NF2: variants seen among roughly 807,000 people sequenced by gnomAD.
The protein encoded by NF2 is NF2, moesin-ezrin-radixin like (MERLIN) tumor suppressor, also known as merlin.
In NF2, 8 loss-of-function variants were observed where a neutral mutation model predicts 83.7. That is an observed-to-expected ratio of 0.10 (90% CI 0.06 to 0.17). The LOEUF is 0.17. Ranked by LOEUF, NF2 falls within the 10% of genes least tolerant of loss-of-function variation. The pLI, the probability that NF2 is intolerant of heterozygous loss-of-function variation, is 1.00. For missense variants in NF2, 533 were observed against 744.4 expected (o/e 0.72, Z 3.31); for synonymous variants, 266 against 269.6 (o/e 0.99, Z 0.13).
chr22:29,644,263 C>CTGCAATCTCGGCACTTTG (rs1481358539), intron 4 of NF2, among the ~76,000 whole-genome samples: 7 of 146,272 alleles, frequency 4.8e-5, no homozygotes, highest in East Asian at 4.1e-4. Flanking sequence ...CGGGCAGAGG[C>CTGCAATCTCGGCACTTTG]GCTCCTCACA....
chr22:29,640,289 G>A (rs938804845), intron 3 of NF2, among the ~76,000 whole-genome samples: 3 of 151,032 alleles, frequency 2.0e-5, no homozygotes, highest in African/African-American at 4.9e-5. Flanking sequence ...CGTGCTTCAT[G>A]CTATGCTGTG....
intron 7 of NF2, among the ~76,000 whole-genome samples, chr22:29,659,298 A>G (rs754550727): frequency 4.6e-5 from 7 of 152,206 alleles, no homozygotes; most frequent in Non-Finnish European, 8.8e-5. Context: ...CCTAGATTCT[A>G]GAAAACTAAA....
intron 1 of NF2, among the ~76,000 whole-genome samples, chr22:29,631,325 T>C (rs2065505598): frequency 6.6e-6 from 1 of 152,154 alleles, no homozygotes; most frequent in Non-Finnish European, 1.5e-5. Context: ...GCTTTCAAGA[T>C]ACAGCTCAAA....
intron 4 of NF2, 138 bp from the exon 5 acceptor site, chr22:29,654,519 C>A: frequency 1.3e-6 from 1 of 755,558 alleles, no homozygotes; most frequent in Non-Finnish European, 2.4e-6. Flanking sequence ...AACAAACTAG[C>A]AAGGTTGAAA....
At chr22:29,605,200 G>C (rs1379137082) in intron 1 of NF2, among the ~76,000 whole-genome samples, 1 of 142,794 alleles carries the variant, frequency 7.0e-6, no homozygotes, top group Non-Finnish European at 1.5e-5. Flanking sequence ...CTGTCACCCA[G>C]AGTGCACCGG....
At chr22:29,612,076 C>T (rs955095248) in intron 1 of NF2, among the ~76,000 whole-genome samples, 6 of 152,146 alleles carry the variant, frequency 3.9e-5, no homozygotes, top group East Asian at 1.9e-4. Flanking sequence ...GGCGCGATCT[C>T]GGCTCACTGC....
chr22:29,678,432 A>T, intron 14 of NF2, 109 bp downstream of exon 14: 1 of 1,331,742 alleles, frequency 7.5e-7, no homozygotes, highest in South Asian at 1.2e-5. Context: ...GCCTGTCATT[A>T]CTCCTGCAAA....
At chr22:29,653,911 T>C (rs996309409) in intron 4 of NF2, among the ~76,000 whole-genome samples, 1 of 152,250 alleles carries the variant, frequency 6.6e-6, no homozygotes, top group East Asian at 1.9e-4. Flanking sequence ...TTCTACTGTA[T>C]GTTTCAGTTA....
chr22:29,606,863 T>C (rs2064811906), intron 1 of NF2, among the ~76,000 whole-genome samples: 1 of 152,158 alleles, frequency 6.6e-6, no homozygotes, highest in Non-Finnish European at 1.5e-5. Context: ...TTGACCAATA[T>C]GGTGAACCCC....
chr22:29,632,408 C>T (rs1206958701), intron 1 of NF2, among the ~76,000 whole-genome samples: 5 of 152,150 alleles, frequency 3.3e-5, no homozygotes, highest in African/African-American at 1.2e-4. Flanking sequence ...CCTACCTGCC[C>T]AGGATAGGAG....
chr22:29,634,132 C>T (rs1273005996), intron 1 of NF2, among the ~76,000 whole-genome samples: 1 of 152,126 alleles, frequency 6.6e-6, no homozygotes, highest in Non-Finnish European at 1.5e-5. Flanking sequence ...TGAAAAAGGC[C>T]AGTGTATGCT....
intron 6 of NF2, among the ~76,000 whole-genome samples, chr22:29,656,340 CA>C (rs1407801226): frequency 6.7e-6 from 1 of 149,950 alleles, no homozygotes; most frequent in East Asian, 2.0e-4. Flanking sequence ...TTCACTTTTA[CA>C]AAAATTTCTG....
At chr22:29,656,693 T>C (rs1224674207) in intron 6 of NF2, among the ~76,000 whole-genome samples, 1 of 152,178 alleles carries the variant, frequency 6.6e-6, no homozygotes. Flanking sequence ...ATTACAGGCA[T>C]GAGCCACCGC....
At chr22:29,649,154 A>G (rs2066069480) in intron 4 of NF2, among the ~76,000 whole-genome samples, 1 of 152,142 alleles carries the variant, frequency 6.6e-6, no homozygotes, top group African/African-American at 2.4e-5. Context: ...GCAAAAAAAA[A>G]AGCCAGACAC....
intron 1 of NF2, chr22:29,609,187 C>T: frequency 8.1e-6 from 6 of 742,210 alleles, no homozygotes; most frequent in Non-Finnish European, 1.3e-5. Context: ...AACCAGGAAC[C>T]TCAGTTCAGT....
In NF2 at chr22:29,636,870, C is replaced by T; in HGVS notation, c.234C>T (p.Asp78=). Reference sequence around the variant, plus strand: ...ACACAGTGGCCTGGCTCAAAATGGACAAGAAGGTTGGGCTAGAACTCGATG... The same window carrying T: ...ACACAGTGGCCTGGCTCAAAATGGATAAGAAGGTTGGGCTAGAACTCGATG... The part of the protein sequence containing the change: ...IKDTVAWLKM[D]KKVLDHDVSK... Residue 78 remains aspartate, a synonymous_variant, in exon 2 of 16, where the codon GAC becomes GAT. Transcript: ENST00000338641. The surrounding 1 kb of genome is among the most constrained non-coding windows in gnomAD (Gnocchi z 4.4). 1 of 1,614,050 alleles carries T rather than the reference C, an allele frequency of 6.2e-7. No individual in the cohort carries two copies. The highest frequency in any genetic ancestry group is 8.5e-7 in the Non-Finnish European group (1 of 1,180,026).
rs563344398 is a variant in NF2 at position 29,636,962 on chromosome 22, C to T, written c.240+86C>T. ...GCAGGCGCCTAGCTCATCACTGGGG[C>T]GCTGTAGCTGTATAGTAGAGAAGGG... On this transcript the variant is annotated intron_variant, in intron 2 of 15. Coordinates refer to ENST00000338641, the MANE Select transcript of NF2 (RefSeq NM_000268.4). This position sits in a 1 kb window ranked among gnomAD's most constrained non-coding sequence, Gnocchi z 4.4. The T allele has an allele frequency of 7.1e-5, 112 of 1,585,044 alleles. 1 individual carries two copies. Among genetic ancestry groups the T allele is most frequent in the South Asian group, 2.3e-4 (21 of 90,282 alleles).
chr22:29,608,779 A>G (rs2064871687), intron 1 of NF2: 1 of 222,990 alleles, frequency 4.5e-6, no homozygotes, highest in Non-Finnish European at 8.7e-6. Context: ...TCCTAGAAAG[A>G]TATAAACCAC....
At chr22:29,631,168 T>C (rs1185484580) in intron 1 of NF2, among the ~76,000 whole-genome samples, 1 of 152,172 alleles carries the variant, frequency 6.6e-6, no homozygotes, top group Non-Finnish European at 1.5e-5. Flanking sequence ...ATAGGATAAT[T>C]ATGCTGTTTG....
Sources: allele counts gnomAD v4.1 joint callset (sites outside exome capture counted in the v4.1 genomes callset), GRCh38; gene constraint gnomAD v4.1.1; non-coding constraint Gnocchi (gnomAD v3.1); transcripts MANE v1.5; gene names NCBI Gene and HGNC (gene_info 2026-07-23, HGNC 2026-07-21).